CLDN16: variants seen among roughly 807,000 people sequenced by gnomAD.
CLDN16 encodes the protein claudin 16.
In CLDN16, 13 loss-of-function variants were observed where a neutral mutation model predicts 24.6. That is an observed-to-expected ratio of 0.53 (90% CI 0.34 to 0.84). The LOEUF is 0.84. Ranked by LOEUF, CLDN16 falls within the 40% of genes least tolerant of loss-of-function variation. CLDN16 has a pLI of 0.01. For synonymous variants in CLDN16, 116 were observed against 106.7 expected, an observed-to-expected ratio of 1.09 and a Z score of -0.54; for missense variants, 298 against 292.7, an observed-to-expected ratio of 1.02 and a Z score of -0.13.
At chr3:190,383,869 A>T (rs1342341838), upstream of CLDN16, among the ~76,000 whole-genome samples, 1 of 152,224 alleles carries the variant, frequency 6.6e-6, no homozygotes, top group African/African-American at 2.4e-5. Flanking sequence ...CAGCAAACTT[A>T]TAAAAATCAT....
Position 190,410,202 on chromosome 3 carries a change from A to G in CLDN16, c.*166A>G. On this transcript the variant is annotated 3_prime_UTR_variant, in exon 5 of 5. Coordinates refer to ENST00000264734, the MANE Select transcript of CLDN16 (RefSeq NM_006580.4). ...TTCTCCTATACTTTTTCTTTCTATT[A>G]CTCTTATATTTTCCCGTCATTCTCT... The G allele has an allele frequency of 2.6e-6, 2 of 770,876 alleles. No homozygotes were observed. The highest frequency in any genetic ancestry group is 4.3e-6 in the Non-Finnish European group (2 of 467,024). 47.8% of individuals were successfully genotyped at this position (770,876 alleles called of 1,614,324 possible).
intron 2 of CLDN16, among the ~76,000 whole-genome samples, chr3:190,373,906 C>G (rs1226625536): frequency 6.6e-6 from 1 of 151,246 alleles, no homozygotes; most frequent in African/African-American, 2.4e-5. Context: ...CCTGAGAGAT[C>G]CTTATACATT....
the CLDN16 span, chr3:190,307,715 G>C: frequency 6.5e-6 from 1 of 152,686 alleles, no homozygotes; most frequent in Admixed American, 6.5e-5. Flanking sequence ...AAAAGGGCAC[G>C]CATGAAGAAT....
chr3:190,392,529 G>C (rs956986575), intron 1 of CLDN16, among the ~76,000 whole-genome samples: 5 of 152,144 alleles, frequency 3.3e-5, no homozygotes, highest in African/African-American at 1.2e-4. Context: ...TAGTGAGTGG[G>C]ACAAATAGGT....
chr3:190,379,735 A>T (rs116091251), intron 3 of CLDN16, among the ~76,000 whole-genome samples: 87 of 152,246 alleles, frequency 5.7e-4, no homozygotes, highest in African/African-American at 2.0e-3. Flanking sequence ...TAATACAGTG[A>T]TGCACATTCA....
intron 1 of CLDN16, among the ~76,000 whole-genome samples, chr3:190,342,713 A>G (rs1001641422): frequency 3.9e-5 from 6 of 152,354 alleles, no homozygotes; most frequent in African/African-American, 1.2e-4. Flanking sequence ...ATGCAATGGG[A>G]AAAAGATAGT....
intron 3 of CLDN16, among the ~76,000 whole-genome samples, chr3:190,377,920 C>G (rs564073673): frequency 6.6e-6 from 1 of 152,018 alleles, no homozygotes; most frequent in East Asian, 1.9e-4. Flanking sequence ...CTCCAAACTC[C>G]TTTCTAGTTT....
At chr3:190,354,814 A>G (rs1165682070) in intron 1 of CLDN16, among the ~76,000 whole-genome samples, 1 of 151,930 alleles carries the variant, frequency 6.6e-6, no homozygotes, top group African/African-American at 2.4e-5. Flanking sequence ...AGGGTTGAAT[A>G]CCCTGAACTT....
At chr3:190,321,373 C>T (rs1281192532), upstream of CLDN16, among the ~76,000 whole-genome samples, 1 of 152,170 alleles carries the variant, frequency 6.6e-6, no homozygotes, top group African/African-American at 2.4e-5. Context: ...CAAGCAGCTT[C>T]TCCAAAGAGT....
chr3:190,332,264 T>C lies in CLDN16; in HGVS notation n.121+9603T>C, dbSNP rs537163026. ...TGTAGAAAGAGGCTATGTAAATATA[T>C]TGCAGATAATTATTCACATATTTCT... On this transcript the variant is annotated intron_variant and non_coding_transcript_variant, in intron 1 of 4. Coordinates refer to the CLDN16 transcript ENST00000468220. Among the ~76,000 whole-genome samples, 10 of 152,336 alleles carry C rather than the reference T, an allele frequency of 6.6e-5. No individual in the cohort carries two copies. In the South Asian group the frequency reaches 1.2e-3, roughly 19 times the overall value.
chr3:190,329,273 T>C (rs2108621878), intron 1 of CLDN16, among the ~76,000 whole-genome samples: 1 of 152,250 alleles, frequency 6.6e-6, no homozygotes, highest in East Asian at 1.9e-4. Context: ...TGGGTGAAAG[T>C]GAATATTTAT....
intron 1 of CLDN16, among the ~76,000 whole-genome samples, chr3:190,331,162 G>A (rs994495164): frequency 2.0e-5 from 3 of 152,206 alleles, no homozygotes; most frequent in African/African-American, 7.2e-5. Context: ...TCTGCTGTCT[G>A]ATTATGCCTG....
At chr3:190,368,156 T>C (rs1718062920) in intron 1 of CLDN16, among the ~76,000 whole-genome samples, 1 of 151,948 alleles carries the variant, frequency 6.6e-6, no homozygotes, top group Non-Finnish European at 1.5e-5. Context: ...GTGTGATCAA[T>C]AGAATTCAGC....
chr3:190,375,112 T>C (rs1027267927), intron 3 of CLDN16, among the ~76,000 whole-genome samples: 1 of 152,024 alleles, frequency 6.6e-6, no homozygotes, highest in Non-Finnish European at 1.5e-5. Flanking sequence ...CCCTCATTTT[T>C]ATTTATTCAG....
At chr3:190,349,167 T>C (rs939001113) in intron 1 of CLDN16, among the ~76,000 whole-genome samples, 3 of 152,202 alleles carry the variant, frequency 2.0e-5, no homozygotes, top group African/African-American at 7.2e-5. Flanking sequence ...AATCCAGTTG[T>C]TCAATTGTAA....
At chr3:190,365,544 A>G (rs183198683) in intron 1 of CLDN16, among the ~76,000 whole-genome samples, 20 of 147,778 alleles carry the variant, frequency 1.4e-4, no homozygotes, top group Non-Finnish European at 1.6e-4. Flanking sequence ...AGTATGAGCC[A>G]TCTTTTTTCC....
chr3:190,346,803 A>G (rs1717559789), intron 1 of CLDN16, among the ~76,000 whole-genome samples: 1 of 152,072 alleles, frequency 6.6e-6, no homozygotes, highest in African/African-American at 2.4e-5. Context: ...CTGCCTTTCC[A>G]CATGACATTC....
At chr3:190,309,750 T>C in the CLDN16 span, among the ~76,000 whole-genome samples, 3 of 152,230 alleles carry the variant, frequency 2.0e-5, no homozygotes, top group Admixed American at 2.0e-4. Flanking sequence ...TGAAGTATTA[T>C]TCATTAACCC....
intron 1 of CLDN16, among the ~76,000 whole-genome samples, chr3:190,363,556 G>GTGTATATA (rs1301414615): frequency 1.9e-4 from 17 of 87,422 alleles, no homozygotes; most frequent in African/African-American, 6.6e-4. Context: ...GTGTGTGTGT[G>GTGTATATA]TATATATATA....
Sources: gnomAD v4.1 joint callset for allele counts (sites outside exome capture counted in the v4.1 genomes callset) on GRCh38, gnomAD v4.1.1 for gene constraint, MANE v1.5 for transcripts, NCBI Gene and HGNC (gene_info 2026-07-23, HGNC 2026-07-21) for gene names.